Variants in FRMPD4 observed in about 807,000 individuals in gnomAD.
The protein encoded by FRMPD4 is FERM and PDZ domain containing 4.
FRMPD4 carries 22 observed loss-of-function variants against 94.1 expected under a neutral mutation model. The observed-to-expected ratio is 0.23, with a 90% CI of 0.17 to 0.33. FRMPD4 has a LOEUF of 0.33. Among genes scored for constraint, FRMPD4 ranks in the 10% least tolerant of loss-of-function variants. FRMPD4 has a pLI of 1.00. For synonymous variants in FRMPD4, 631 were observed against 548.6 expected (o/e 1.15, Z -2.10); for missense variants, 1,111 against 1,339.9 (o/e 0.83, Z 2.67).
At chrX:11,924,741 A>G (rs1157792467) in intron 3 of FRMPD4, among the ~76,000 whole-genome samples, 1 of 112,275 alleles carries the variant, frequency 8.9e-6, no homozygotes, top group East Asian at 2.8e-4. Flanking sequence ...CCTGCCTTAC[A>G]AGAGCTCCTG....
intron 10 of FRMPD4, among the ~76,000 whole-genome samples, 182 bp downstream of exon 10, chrX:12,702,192 A>G (rs1439218101): frequency 8.9e-6 from 1 of 112,857 alleles, no homozygotes; most frequent in African/African-American, 3.2e-5. Flanking sequence ...ATCCACCTTT[A>G]GAGCATTGTA....
At chrX:12,093,651 G>T (rs1181722893) in intron 3 of FRMPD4, among the ~76,000 whole-genome samples, 1 of 108,660 alleles carries the variant, frequency 9.2e-6, no homozygotes, top group Non-Finnish European at 1.9e-5. Flanking sequence ...TCTGCCAGAT[G>T]AGCAAATCAG....
intron 1 of FRMPD4, among the ~76,000 whole-genome samples, chrX:12,356,372 CAG>C (rs1162324951): frequency 2.7e-5 from 3 of 112,256 alleles, no homozygotes; most frequent in Non-Finnish European, 3.8e-5. Context: ...TTCTTGGCAT[CAG>C]AGTCATTTTA....
At chrX:11,946,332 G>A (rs1569130218) in intron 3 of FRMPD4, among the ~76,000 whole-genome samples, 1 of 111,893 alleles carries the variant, frequency 8.9e-6, no homozygotes, top group Non-Finnish European at 1.9e-5. Flanking sequence ...TGTGCCAAAT[G>A]TTTCTAGCCC....
chrX:12,106,722 C>T (rs1004098419), intron 3 of FRMPD4, among the ~76,000 whole-genome samples: 8 of 111,844 alleles, frequency 7.2e-5, no homozygotes, highest in Admixed American at 2.8e-4. Context: ...ACTTTTCCAA[C>T]GGTCTTAGCA....
At chrX:12,518,825 G>GCA (rs757932325) in intron 2 of FRMPD4, among the ~76,000 whole-genome samples, 5,790 of 107,636 alleles carry the variant, frequency 0.054, 137 homozygotes, top group African/African-American at 0.075. Context: ...GTGCGCGCGT[G>GCA]CACACACACA....
At chrX:12,009,898 GTTTATATTAT>G (rs770396900) in intron 3 of FRMPD4, among the ~76,000 whole-genome samples, 14 of 111,900 alleles carry the variant, frequency 1.3e-4, no homozygotes, top group Non-Finnish European at 2.4e-4. Context: ...TAAATTTAAT[GTTTATATTAT>G]TTTTTTGAAT....
At chrX:12,076,547 A>C (rs973626969) in intron 3 of FRMPD4, among the ~76,000 whole-genome samples, 1 of 110,997 alleles carries the variant, frequency 9.0e-6, no homozygotes, top group Admixed American at 9.6e-5. Flanking sequence ...GCAGCTTAAG[A>C]GTCCTAGTTG....
At chrX:12,102,022 T>C (rs894111047) in intron 3 of FRMPD4, among the ~76,000 whole-genome samples, 1 of 112,136 alleles carries the variant, frequency 8.9e-6, no homozygotes, top group African/African-American at 3.2e-5. Flanking sequence ...ATATTCTTAA[T>C]AACTACATTT....
intron 4 of FRMPD4, among the ~76,000 whole-genome samples, chrX:12,668,723 GC>G (rs2059808086): frequency 9.4e-6 from 1 of 106,749 alleles, no homozygotes; most frequent in South Asian, 4.3e-4. Context: ...CCTTGCTTCG[GC>G]CTCCAGAGTA....
At chrX:12,285,827 C>T (rs1289375276) in intron 1 of FRMPD4, among the ~76,000 whole-genome samples, 3 of 112,174 alleles carry the variant, frequency 2.7e-5, no homozygotes, top group Non-Finnish European at 3.8e-5. Context: ...AAATGTACAT[C>T]GGTTGCACAT....
intron 2 of FRMPD4, among the ~76,000 whole-genome samples, chrX:12,526,559 A>G (rs916270640): frequency 1.8e-5 from 2 of 111,877 alleles, no homozygotes; most frequent in Non-Finnish European, 3.8e-5. Flanking sequence ...AGTTTCACTC[A>G]TCACACCTCC....
chrX:12,305,296 T>C (rs1257556896), intron 1 of FRMPD4, among the ~76,000 whole-genome samples: 1 of 111,387 alleles, frequency 9.0e-6, no homozygotes, highest in African/African-American at 3.3e-5. Context: ...TACAAGCTGC[T>C]ATAAAGCTCT....
chrX:12,617,091 T>TA (rs948083683), intron 4 of FRMPD4, among the ~76,000 whole-genome samples: 2 of 111,953 alleles, frequency 1.8e-5, no homozygotes, highest in Admixed American at 9.5e-5. Flanking sequence ...GGCATATCTG[T>TA]AAAAAAAGCG....
intron 3 of FRMPD4, among the ~76,000 whole-genome samples, chrX:12,122,456 G>T (rs1601953029): frequency 9.0e-6 from 1 of 111,683 alleles, no homozygotes; most frequent in African/African-American, 3.3e-5. Context: ...TGTACAACAG[G>T]AGTGTTTTGT....
intron 1 of FRMPD4, among the ~76,000 whole-genome samples, chrX:12,378,372 G>C (rs1337255581): frequency 8.9e-6 from 1 of 112,640 alleles, no homozygotes; most frequent in Non-Finnish European, 1.9e-5. Flanking sequence ...CGGGAGCGAA[G>C]CATCACCAGC....
intron 1 of FRMPD4, among the ~76,000 whole-genome samples, chrX:11,838,694 T>C (rs777438920): frequency 6.3e-5 from 7 of 111,406 alleles, no homozygotes; most frequent in African/African-American, 2.3e-4. Context: ...TTTCTATATC[T>C]ACATATTTGT....
At chrX:12,571,547 A>G (rs747488006) in intron 2 of FRMPD4, among the ~76,000 whole-genome samples, 1 of 112,525 alleles carries the variant, frequency 8.9e-6, no homozygotes, top group African/African-American at 3.2e-5. Context: ...ATTCTGTCCC[A>G]TAATTGTAGA....
chrX:12,525,704 T>C (rs1248882283), intron 2 of FRMPD4, among the ~76,000 whole-genome samples: 2 of 112,257 alleles, frequency 1.8e-5, no homozygotes, highest in African/African-American at 3.2e-5. Flanking sequence ...TGGTTACTCT[T>C]TTAAAAGAAA....
Sources: gnomAD v4.1 joint callset for allele counts (sites outside exome capture counted in the v4.1 genomes callset) on GRCh38, gnomAD v4.1.1 for gene constraint, MANE v1.5 for transcripts, NCBI Gene and HGNC (gene_info 2026-07-23, HGNC 2026-07-21) for gene names.